PLCB1: variants seen among roughly 807,000 people sequenced by gnomAD.
PLCB1 encodes the protein phospholipase C beta 1, also known as 1-phosphatidylinositol 4,5-bisphosphate phosphodiesterase beta-1.
In PLCB1, 46 loss-of-function variants were observed where a neutral mutation model predicts 161.8. The observed-to-expected ratio is 0.28, with a 90% confidence interval of 0.22 to 0.36. The LOEUF (loss-of-function observed/expected upper bound fraction) is 0.36. Among genes scored for constraint, PLCB1 ranks in the 10% least tolerant of loss-of-function variants. The pLI, the probability that PLCB1 is intolerant of heterozygous loss-of-function variation, is 1.00. For missense variants in PLCB1, 1,016 were observed against 1,472.5 expected (o/e 0.69, Z 5.07); for synonymous variants, 517 against 503.7 (o/e 1.03, Z -0.35).
At position 8,132,576 on chromosome 20, in the gene PLCB1, C is replaced by T. The variant is rs1260334097; in HGVS notation, c.-76C>T. 9.6e-6 allele frequency: 9 copies of T among 933,254 alleles called. No individual in the cohort carries two copies. The highest frequency in any genetic ancestry group is 3.3e-5 in the East Asian group (1 of 30,200). 57.8% of individuals were successfully genotyped at this position (933,254 alleles called of 1,614,324 possible). On this transcript the variant is annotated 5_prime_UTR_variant, in exon 1 of 32. Transcript: ENST00000338037. This position sits in a 1 kb window ranked among gnomAD's most constrained non-coding sequence, Gnocchi z 5.2. ...GGAGCAGAGAAAGGAGCCCGCGCCC[C>T]GCGCCCCGCGCCCCGCGCACGGTCC...
At chr20:8,444,326 G>A (rs993600116) in intron 3 of PLCB1, among the ~76,000 whole-genome samples, 1 of 152,102 alleles carries the variant, frequency 6.6e-6, no homozygotes, top group Admixed American at 6.6e-5. Flanking sequence ...TGCTGACAAT[G>A]ATGGTTTCTA....
chr20:8,272,956 T>G (rs1982356722), intron 2 of PLCB1, among the ~76,000 whole-genome samples: 3 of 152,154 alleles, frequency 2.0e-5, no homozygotes, highest in African/African-American at 7.2e-5. Context: ...ATGCAGCACA[T>G]GTATGTATGA....
chr20:8,865,757 G>A (rs8182968), intron 31 of PLCB1, among the ~76,000 whole-genome samples: 42,550 of 152,000 alleles, frequency 0.28, 7,292 homozygotes, highest in East Asian at 0.65. Context: ...TCATTGGCAA[G>A]AATTTTTCAA....
intron 10 of PLCB1, among the ~76,000 whole-genome samples, chr20:8,688,580 A>C (rs1990407687): frequency 2.0e-5 from 3 of 152,144 alleles, no homozygotes; most frequent in Admixed American, 1.3e-4. Flanking sequence ...CAATTACCCC[A>C]GCACACTTTG....
At chr20:8,271,148 G>A (rs1003342369) in intron 2 of PLCB1, among the ~76,000 whole-genome samples, 1 of 152,112 alleles carries the variant, frequency 6.6e-6, no homozygotes, top group Non-Finnish European at 1.5e-5. Flanking sequence ...GACAGTGGTA[G>A]ACATCATTCC....
intron 3 of PLCB1, among the ~76,000 whole-genome samples, chr20:8,571,458 G>A (rs965826503): frequency 6.6e-6 from 1 of 152,060 alleles, no homozygotes; most frequent in African/African-American, 2.4e-5. Flanking sequence ...TTCCAGCCGG[G>A]GTGACCAAGT....
rs761743488 is a variant in PLCB1 at position 8,733,410 on chromosome 20, CA to C, written c.2043+22del. The C allele has an allele frequency of 2.5e-6, 4 of 1,608,524 alleles. No homozygotes were observed. The Admixed American group carries it at 6.7e-5, about 27-fold the overall frequency. On this transcript the variant is annotated intron_variant, in intron 19 of 31. Transcript: ENST00000338037. ...CTGTTAAGGTAGGTATACCCCATCA[CA>C]AAATTGTTCCTAACAATAGTGTTGA... is the stretch of plus-strand genomic sequence containing the variant.
chr20:8,246,930 A>G (rs1031709822), intron 2 of PLCB1, among the ~76,000 whole-genome samples: 10 of 151,518 alleles, frequency 6.6e-5, no homozygotes, highest in African/African-American at 2.4e-4. Context: ...AATGATTTTA[A>G]TCTCTATTTC....
chr20:8,304,448 A>G (rs1203311354), intron 2 of PLCB1, among the ~76,000 whole-genome samples: 1 of 151,706 alleles, frequency 6.6e-6, no homozygotes, highest in African/African-American at 2.4e-5. Context: ...ATTGAGCAAA[A>G]ACGAATCCCC....
At chr20:8,630,017 T>TTTC in intron 4 of PLCB1, among the ~76,000 whole-genome samples, 3 of 144,070 alleles carry the variant, frequency 2.1e-5, no homozygotes, top group African/African-American at 7.8e-5. Context: ...TTTCTCTTTC[T>TTTC]TCTTTCCTTT....
chr20:8,704,060 G>A (rs543346801), intron 11 of PLCB1, among the ~76,000 whole-genome samples: 144 of 152,268 alleles, frequency 9.5e-4, no homozygotes, highest in African/African-American at 3.4e-3. Flanking sequence ...CATCAGAAAA[G>A]TTAGCAAAGA....
intron 2 of PLCB1, among the ~76,000 whole-genome samples, chr20:8,276,818 C>T (rs1982569310): frequency 6.6e-6 from 1 of 151,908 alleles, no homozygotes; most frequent in Non-Finnish European, 1.5e-5. Context: ...TATACAACAG[C>T]ACAACCATAG....
At chr20:8,683,086 C>T (rs192825175) in intron 9 of PLCB1, among the ~76,000 whole-genome samples, 25 of 151,526 alleles carry the variant, frequency 1.6e-4, no homozygotes, top group Admixed American at 7.2e-4. Flanking sequence ...GTTAAATATC[C>T]GCATAGAATT....
intron 2 of PLCB1, among the ~76,000 whole-genome samples, chr20:8,299,253 A>G (rs1231101290): frequency 1.3e-5 from 2 of 152,174 alleles, no homozygotes; most frequent in African/African-American, 2.4e-5. Context: ...TGACCAACAT[A>G]TAAAGGTGTA....
chr20:8,882,541 C>T lies in PLCB1; in HGVS notation c.*692C>T, dbSNP rs1282463139. 1 of 152,722 alleles carries T rather than the reference C, an allele frequency of 6.5e-6. No homozygotes were observed. The highest frequency in any genetic ancestry group is 1.5e-5 in the Non-Finnish European group (1 of 68,160). 9.5% of individuals were successfully genotyped at this position (152,722 alleles called of 1,614,324 possible). On this transcript the variant is annotated 3_prime_UTR_variant, in exon 32 of 32. Transcript: ENST00000338037. ...CTAAGACTTAGCAATATGGATTGTA[C>T]ATTTGGCTGCATGAGCAAGTCGGCC...
intron 3 of PLCB1, 67 bp from the exon 4 acceptor site, chr20:8,628,227 T>A (rs1988418461): frequency 2.5e-6 from 3 of 1,213,620 alleles, no homozygotes; most frequent in Non-Finnish European, 3.7e-6. Context: ...TCAACAGAAG[T>A]TGAAGTTATG....
intron 3 of PLCB1, among the ~76,000 whole-genome samples, chr20:8,486,710 T>C (rs1458264842): frequency 6.6e-6 from 1 of 151,404 alleles, no homozygotes; most frequent in African/African-American, 2.4e-5. Flanking sequence ...TTAGCCAGGA[T>C]GGTCTCGATC....
At chr20:8,140,137 G>A (rs1488811885) in intron 1 of PLCB1, among the ~76,000 whole-genome samples, 1 of 152,090 alleles carries the variant, frequency 6.6e-6, no homozygotes, top group East Asian at 1.9e-4. Context: ...TTGGACCCCG[G>A]GAGTTCCTTC....
intron 3 of PLCB1, among the ~76,000 whole-genome samples, chr20:8,431,778 C>CT (rs1980052908): frequency 6.6e-6 from 1 of 152,054 alleles, no homozygotes; most frequent in South Asian, 2.1e-4. Flanking sequence ...ATGTGAGAAT[C>CT]TTATAAAGAT....
Sources: allele counts gnomAD v4.1 joint callset (sites outside exome capture counted in the v4.1 genomes callset), GRCh38; gene constraint gnomAD v4.1.1; non-coding constraint Gnocchi (gnomAD v3.1); transcripts MANE v1.5; gene names NCBI Gene and HGNC (gene_info 2026-07-23, HGNC 2026-07-21).